RNLS: variants seen among roughly 807,000 people sequenced by gnomAD.
RNLS encodes renalase, FAD dependent amine oxidase.
RNLS carries 39 observed loss-of-function variants against 39.8 expected under a neutral mutation model. That is an observed-to-expected ratio of 0.98 (90% CI 0.76 to 1.28). The LOEUF is 1.28. RNLS is among the 50% of genes most tolerant of loss of function. The probability of loss-of-function intolerance (pLI) is 0.00; values close to 1 mark genes in which losing one functional copy is unlikely to be tolerated. For synonymous variants in RNLS, 147 were observed against 150.7 expected (o/e 0.98, Z 0.18); for missense variants, 410 against 413.3 (o/e 0.99, Z 0.07).
chr10:88,363,206 G>C (rs2133373733), intron 4 of RNLS, among the ~76,000 whole-genome samples: 1 of 151,812 alleles, frequency 6.6e-6, no homozygotes, highest in Non-Finnish European at 1.5e-5. Flanking sequence ...TTATTCCATG[G>C]ATACAAGGGG....
At chr10:88,344,737 T>C (rs928518850) in intron 5 of RNLS, among the ~76,000 whole-genome samples, 1 of 152,156 alleles carries the variant, frequency 6.6e-6, no homozygotes, top group African/African-American at 2.4e-5. Context: ...ATATTTATAA[T>C]AGAAATCTAT....
intron 4 of RNLS, among the ~76,000 whole-genome samples, chr10:88,563,767 C>A (rs1319940531): frequency 3.3e-5 from 5 of 151,992 alleles, no homozygotes; most frequent in Admixed American, 2.0e-4. Context: ...CCCCCAAGAT[C>A]TTTATTTTAA....
At chr10:88,468,437 T>C (rs1186236252) in intron 4 of RNLS, among the ~76,000 whole-genome samples, 1 of 152,144 alleles carries the variant, frequency 6.6e-6, no homozygotes, top group Non-Finnish European at 1.5e-5. Flanking sequence ...TCAACTATGT[T>C]GACAACTAGT....
chr10:88,288,188 C>T (rs972754782), intron 6 of RNLS, among the ~76,000 whole-genome samples: 2 of 151,998 alleles, frequency 1.3e-5, no homozygotes, highest in Admixed American at 1.3e-4. Context: ...ATATGCACAC[C>T]CCATTTAATT....
intron 4 of RNLS, among the ~76,000 whole-genome samples, chr10:88,398,043 G>C (rs1852670277): frequency 6.6e-6 from 1 of 152,054 alleles, no homozygotes; most frequent in Admixed American, 6.6e-5. Context: ...AAAAAAGAAT[G>C]AAGCCATGTT....
At chr10:88,383,488 T>C (rs551559578) in intron 4 of RNLS, among the ~76,000 whole-genome samples, 69 of 152,252 alleles carry the variant, frequency 4.5e-4, no homozygotes, top group African/African-American at 1.6e-3. Flanking sequence ...TCCTGTGCTG[T>C]CAAAAGTTAA....
At chr10:88,179,423 ATCTC>A in the RNLS span, among the ~76,000 whole-genome samples, 3 of 150,998 alleles carry the variant, frequency 2.0e-5, no homozygotes, top group South Asian at 2.1e-4. Flanking sequence ...CTTTTAAAGA[ATCTC>A]TCTCTCTCTC....
intron 6 of RNLS, among the ~76,000 whole-genome samples, chr10:88,277,144 C>T (rs1203554675): frequency 6.6e-6 from 1 of 152,060 alleles, no homozygotes; most frequent in Non-Finnish European, 1.5e-5. Flanking sequence ...TATTATGCAG[C>T]CATAAAAAAG....
At chr10:88,267,588 A>G in the RNLS span, among the ~76,000 whole-genome samples, 1 of 152,166 alleles carries the variant, frequency 6.6e-6, no homozygotes, top group South Asian at 2.1e-4. Flanking sequence ...AAACAGAACA[A>G]AACAAACAAC....
At chr10:88,491,769 GGAA>G (rs533383773) in intron 4 of RNLS, among the ~76,000 whole-genome samples, 116 of 152,182 alleles carry the variant, frequency 7.6e-4, no homozygotes, top group Admixed American at 1.2e-3. Flanking sequence ...CAGAATATGT[GGAA>G]GAAGAAGTGA....
chr10:88,179,163 T>C, the RNLS span, among the ~76,000 whole-genome samples: 1 of 152,114 alleles, frequency 6.6e-6, no homozygotes, highest in African/African-American at 2.4e-5. Context: ...AGAAAAGAAA[T>C]CAGGTAGGGG....
At chr10:88,188,082 G>A in the RNLS span, among the ~76,000 whole-genome samples, 1 of 151,786 alleles carries the variant, frequency 6.6e-6, no homozygotes, top group African/African-American at 2.4e-5. Flanking sequence ...TTTTGAGATG[G>A]AGTCTCGCTC....
intron 4 of RNLS, among the ~76,000 whole-genome samples, chr10:88,372,379 C>G (rs1304751351): frequency 1.3e-5 from 2 of 152,066 alleles, no homozygotes; most frequent in African/African-American, 4.8e-5. Flanking sequence ...CACTCTGTCC[C>G]AGCAGCCATT....
rs993418441 is a variant in RNLS, at chr10:88,502,905, G to GT, written c.526+69997dup. Reference sequence around the variant, plus strand: ...AAAATGAAAATATAGGGAGAGAGAAGTTTTTTTTTCTTTTTATCTTTTGCA... The same window carrying GT: ...AAAATGAAAATATAGGGAGAGAGAAGTTTTTTTTTTCTTTTTATCTTTTGCA... On this transcript the variant is annotated intron_variant, in intron 4 of 6. Coordinates refer to ENST00000331772, the MANE Select transcript of RNLS (RefSeq NM_001031709.3). Among the ~76,000 whole-genome samples the GT allele has an allele frequency of 1.1e-4, 16 of 151,534 alleles. No homozygotes were observed. In the South Asian group the frequency reaches 1.3e-3, roughly 12 times the overall value.
intron 4 of RNLS, among the ~76,000 whole-genome samples, chr10:88,375,983 G>C (rs1850961523): frequency 6.6e-6 from 1 of 152,086 alleles, no homozygotes; most frequent in African/African-American, 2.4e-5. Flanking sequence ...TGAATAAATG[G>C]TTGTCTTACG....
chr10:88,182,958 G>T, the RNLS span, among the ~76,000 whole-genome samples: 2 of 151,946 alleles, frequency 1.3e-5, no homozygotes, highest in Non-Finnish European at 2.9e-5. Context: ...TACCAGTTGT[G>T]TTTTTTTGGG....
chr10:88,328,987 T>A (rs1846864257), intron 5 of RNLS, among the ~76,000 whole-genome samples: 1 of 152,100 alleles, frequency 6.6e-6, no homozygotes, highest in African/African-American at 2.4e-5. Context: ...TATATAATAA[T>A]AAATTGAAAA....
At chr10:88,395,677 A>T (rs1233093252) in intron 4 of RNLS, among the ~76,000 whole-genome samples, 1 of 152,048 alleles carries the variant, frequency 6.6e-6, no homozygotes. Context: ...GAAAGAATAT[A>T]TATATAAATA....
chr10:88,331,557 T>G (rs1847111599), intron 5 of RNLS, among the ~76,000 whole-genome samples: 1 of 152,202 alleles, frequency 6.6e-6, no homozygotes, highest in Non-Finnish European at 1.5e-5. Flanking sequence ...CATTATCCAC[T>G]AAACGGTATA....
Sources: allele counts gnomAD v4.1 joint callset (sites outside exome capture counted in the v4.1 genomes callset), GRCh38; gene constraint gnomAD v4.1.1; transcripts MANE v1.5; gene names NCBI Gene and HGNC (gene_info 2026-07-23, HGNC 2026-07-21).